The following TSNARE1 variants were observed in gnomAD, a reference collection of about 807,000 sequenced individuals.
TSNARE1 encodes the protein t-SNARE domain-containing protein 1.
A neutral mutation model predicts 62.0 loss-of-function variants in TSNARE1; 49 were observed. The ratio of observed to expected loss-of-function variants is 0.79; its 90% confidence interval spans 0.63 to 1.00. The LOEUF (loss-of-function observed/expected upper bound fraction) is 1.00. Ranked by LOEUF, TSNARE1 falls within the 50% of genes least tolerant of loss-of-function variation. TSNARE1 has a pLI of 0.00. For synonymous variants in TSNARE1, 328 were observed against 294.4 expected (o/e 1.11, Z -1.17); for missense variants, 755 against 700.1 (o/e 1.08, Z -0.88).
intron 12 of TSNARE1, among the ~76,000 whole-genome samples, chr8:142,260,391 C>T (rs1386009274): frequency 1.3e-5 from 2 of 152,078 alleles, no homozygotes; most frequent in Non-Finnish European, 2.9e-5. Flanking sequence ...GCACTGGGGC[C>T]GGGTCTGGCA....
At chr8:142,266,378 A>T (rs1819131908) in intron 12 of TSNARE1, among the ~76,000 whole-genome samples, 1 of 152,218 alleles carries the variant, frequency 6.6e-6, no homozygotes, top group Non-Finnish European at 1.5e-5. Flanking sequence ...TTCACCTTGA[A>T]GTCCATTTTT....
chr8:142,351,998 CATCTTGTGAT>C (rs1249990410), intron 2 of TSNARE1, among the ~76,000 whole-genome samples: 10 of 152,224 alleles, frequency 6.6e-5, no homozygotes. Flanking sequence ...GCAGCATTAT[CATCTTGTGAT>C]GGAAGTTACT....
intron 1 of TSNARE1, among the ~76,000 whole-genome samples, chr8:142,363,659 G>T (rs540980279): frequency 6.6e-6 from 1 of 152,076 alleles, no homozygotes; most frequent in South Asian, 2.1e-4. Flanking sequence ...CCACGAACTG[G>T]TCCCCACAGG....
intron 1 of TSNARE1, among the ~76,000 whole-genome samples, chr8:142,400,394 C>A (rs1442955523): frequency 6.8e-6 from 1 of 147,842 alleles, no homozygotes; most frequent in Non-Finnish European, 1.5e-5. Flanking sequence ...TGCAGTGAAC[C>A]AAGATTGCAC....
Position 142,284,440 on chromosome 8 carries a change from T to C in TSNARE1, c.1336A>G (p.Met446Val), listed in dbSNP as rs760314602. 1.2e-6 allele frequency: 2 copies of C among 1,613,660 alleles called. No individual in the cohort carries two copies. The highest frequency in any genetic ancestry group is 2.2e-5 in the East Asian group (1 of 44,878). The change falls in exon 11 of 14, where the codon ATG becomes GTG. Residue 446 changes from methionine to valine, a missense_variant. Physicochemically the swap from Met to Val is conservative, Grantham distance 21 (BLOSUM62 1). Coordinates refer to ENST00000524325, the MANE Select transcript of TSNARE1 (RefSeq NM_145003.5). ...VNQIIKDLAS[M>V]VSEQGEAVDS... ...ACAGCTTCTCCTTGCTCTGACACCATGGAGGCCAAGTCCTTGATGATCTGA... is the reference window on the plus strand; with the variant it reads ...ACAGCTTCTCCTTGCTCTGACACCACGGAGGCCAAGTCCTTGATGATCTGA...
chr8:142,328,149 G>C (rs1830519229), intron 6 of TSNARE1, among the ~76,000 whole-genome samples: 1 of 148,252 alleles, frequency 6.7e-6, no homozygotes, highest in South Asian at 2.2e-4. Flanking sequence ...ATAGGTGTTA[G>C]AAATAATAGT....
intron 4 of TSNARE1, among the ~76,000 whole-genome samples, chr8:142,340,718 C>A (rs1832466381): frequency 6.6e-6 from 1 of 152,228 alleles, no homozygotes; most frequent in Non-Finnish European, 1.5e-5. Flanking sequence ...CATCCCCTCT[C>A]GACCTCAGCC....
chr8:142,243,714 T>C (rs1458269199), intron 12 of TSNARE1, among the ~76,000 whole-genome samples: 1 of 152,168 alleles, frequency 6.6e-6, no homozygotes, highest in East Asian at 1.9e-4. Flanking sequence ...AATAATAATG[T>C]ATAGTAGACT....
At chr8:142,292,770 G>A (rs1824016493) in intron 10 of TSNARE1, among the ~76,000 whole-genome samples, 1 of 152,112 alleles carries the variant, frequency 6.6e-6, no homozygotes, top group Non-Finnish European at 1.5e-5. Flanking sequence ...CCCTACTCCA[G>A]GCTGCACCAG....
In TSNARE1 at chr8:142,308,583, C is replaced by T. The variant is rs146348061; in HGVS notation, c.1131+5801G>A. Among the ~76,000 whole-genome samples the T allele has an allele frequency of 3.7e-4, 56 of 152,104 alleles. 3 individuals carry two copies. The highest frequency in any genetic ancestry group is 1.3e-3 in the African/African-American group (54 of 41,496). On this transcript the variant is annotated intron_variant, in intron 9 of 13. Coordinates refer to ENST00000524325, the MANE Select transcript of TSNARE1 (RefSeq NM_145003.5). ...GTGTGTCCATAGGCTGGTGTGTCCA[C>T]GGCTTGGTGTGTCCGTGGGCTGGTG...
intron 13 of TSNARE1, among the ~76,000 whole-genome samples, chr8:142,221,976 CTCACTCACTCAT>C (rs1816278681): frequency 4.9e-5 from 4 of 82,270 alleles, no homozygotes. Context: ...CACTCATCCA[CTCACTCACTCAT>C]TCACTCACTC....
chr8:142,345,315 C>T (rs770797392), intron 3 of TSNARE1, among the ~76,000 whole-genome samples: 2 of 152,186 alleles, frequency 1.3e-5, no homozygotes, highest in Admixed American at 6.5e-5. Context: ...CTGGAAGGGG[C>T]CCCTCCACCA....
intron 12 of TSNARE1, chr8:142,247,703 A>C (rs1817955983): frequency 1.3e-5 from 2 of 152,250 alleles, no homozygotes; most frequent in African/African-American, 4.8e-5. Flanking sequence ...GGGCTGGTTC[A>C]TCCCGCTTTA....
At chr8:142,302,618 G>C (rs1447285226) in intron 9 of TSNARE1, among the ~76,000 whole-genome samples, 2 of 152,160 alleles carry the variant, frequency 1.3e-5, no homozygotes, top group Non-Finnish European at 2.9e-5. Flanking sequence ...CCAGGTCTGG[G>C]AAAGGCCCCG....
intron 1 of TSNARE1, among the ~76,000 whole-genome samples, chr8:142,392,802 TG>T (rs1368564157): frequency 6.6e-6 from 1 of 152,018 alleles, no homozygotes; most frequent in African/African-American, 2.4e-5. Flanking sequence ...TAGCCGGGCA[TG>T]GTGACACATG....
At chr8:142,358,880 G>A (rs1023033476) in intron 1 of TSNARE1, among the ~76,000 whole-genome samples, 3 of 151,858 alleles carry the variant, frequency 2.0e-5, no homozygotes, top group Non-Finnish European at 2.9e-5. Flanking sequence ...TCCAGTGTCC[G>A]ACTCAACCCC....
intron 6 of TSNARE1, among the ~76,000 whole-genome samples, chr8:142,327,018 G>C (rs1830372120): frequency 1.3e-5 from 2 of 152,174 alleles, no homozygotes; most frequent in South Asian, 4.1e-4. Flanking sequence ...ACTGCTGGCG[G>C]GGGTGTAAAA....
Position 142,373,889 on chromosome 8 carries a change from C to T in TSNARE1, c.-39-19126G>A, listed in dbSNP as rs538987569. Among the ~76,000 whole-genome samples, 8 of 152,150 alleles carry T rather than the reference C, an allele frequency of 5.3e-5. No individual in the cohort carries two copies. In the South Asian group the frequency reaches 1.7e-3, roughly 32 times the overall value. On this transcript the variant is annotated intron_variant, in intron 1 of 13. Coordinates refer to ENST00000524325, the MANE Select transcript of TSNARE1 (RefSeq NM_145003.5). ...GAGGAAGGGCTCAGAGCACAGCCAGCGGCACACCCAGGGGATTAAAACATC... is the reference window on the plus strand; with the variant it reads ...GAGGAAGGGCTCAGAGCACAGCCAGTGGCACACCCAGGGGATTAAAACATC...
At chr8:142,348,626 C>T (rs1011718714) in intron 2 of TSNARE1, among the ~76,000 whole-genome samples, 1 of 136,958 alleles carries the variant, frequency 7.3e-6, no homozygotes, top group Non-Finnish European at 1.5e-5. Flanking sequence ...CTGGCTGCTC[C>T]CGGCACCCCA....
Sources: allele counts gnomAD v4.1 joint callset (sites outside exome capture counted in the v4.1 genomes callset), GRCh38; gene constraint gnomAD v4.1.1; transcripts MANE v1.5; gene names NCBI Gene and HGNC (gene_info 2026-07-23, HGNC 2026-07-21).